Variants in DLGAP1 observed in about 807,000 individuals in gnomAD.
DLGAP1 encodes the protein DLG associated protein 1, also known as disks large-associated protein 1.
DLGAP1 carries 11 observed loss-of-function variants against 90.8 expected under a neutral mutation model. That is an observed-to-expected ratio of 0.12 (90% CI 0.08 to 0.20). The LOEUF is 0.20. DLGAP1 is among the 10% of genes least tolerant of loss of function. The pLI is 1.00. For missense variants in DLGAP1, 1,050 were observed against 1,333.8 expected (o/e 0.79, Z 3.31); for synonymous variants, 558 against 540.7 (o/e 1.03, Z -0.44).
chr18:3,890,433 G>A (rs2071430346), intron 3 of DLGAP1, among the ~76,000 whole-genome samples: 1 of 152,130 alleles, frequency 6.6e-6, no homozygotes, highest in Non-Finnish European at 1.5e-5. Flanking sequence ...TGCAATAGTT[G>A]CTGTTAATGG....
At position 3,623,797 on chromosome 18, in the gene DLGAP1, AG is replaced by A. The variant is rs1346874844; in HGVS notation, c.1592-41550del. ...GTCTCAAAAAAAAAAAAAAAAAAAA[AG>A]GAAAACCCCCCTAGAAAATGCTTTT... On this transcript the variant is annotated intron_variant, in intron 7 of 12. Coordinates refer to ENST00000315677, the MANE Select transcript of DLGAP1 (RefSeq NM_004746.4). Among the ~76,000 whole-genome samples the A allele has an allele frequency of 4.3e-3, 598 of 139,610 alleles. 4 individuals carry two copies. Among genetic ancestry groups the A allele is most frequent in the African/African-American group, 0.015 (575 of 38,948 alleles). 91.6% of individuals were successfully genotyped at this position (139,610 alleles called of 152,430 possible).
intron 1 of DLGAP1, among the ~76,000 whole-genome samples, chr18:4,285,192 AG>A (rs1318784297): frequency 6.6e-6 from 1 of 152,214 alleles, no homozygotes; most frequent in Non-Finnish European, 1.5e-5. Flanking sequence ...AGTAGAATGA[AG>A]GGAAATCTTA....
chr18:4,241,663 T>C (rs2078536820), intron 1 of DLGAP1, among the ~76,000 whole-genome samples: 1 of 152,212 alleles, frequency 6.6e-6, no homozygotes, highest in African/African-American at 2.4e-5. Context: ...CCAACAGCAC[T>C]GGCTGGAGGA....
chr18:3,522,284 G>A (rs141655722), intron 10 of DLGAP1, among the ~76,000 whole-genome samples: 2,410 of 151,452 alleles, frequency 0.016, 56 homozygotes, highest in African/African-American at 0.053. Flanking sequence ...TTACATGCGC[G>A]TGCCACCACG....
At chr18:4,278,747 T>TACACACACAC (rs74515144) in intron 1 of DLGAP1, among the ~76,000 whole-genome samples, 1 of 149,998 alleles carries the variant, frequency 6.7e-6, no homozygotes, top group Non-Finnish European at 1.5e-5. Flanking sequence ...GAAAATGTTA[T>TACACACACAC]ACACACACAC....
At chr18:3,752,633 C>T (rs924656327) in intron 5 of DLGAP1, among the ~76,000 whole-genome samples, 6 of 144,746 alleles carry the variant, frequency 4.1e-5, no homozygotes, top group Non-Finnish European at 9.1e-5. Flanking sequence ...CCCCTCCCCA[C>T]CCCCCTCTCT....
At chr18:3,634,989 G>C (rs2058645642) in intron 7 of DLGAP1, among the ~76,000 whole-genome samples, 1 of 152,232 alleles carries the variant, frequency 6.6e-6, no homozygotes, top group African/African-American at 2.4e-5. Flanking sequence ...TGTTAGAGCA[G>C]GGTTTGGAAT....
Position 3,517,236 on chromosome 18 carries a change from CAA to C in DLGAP1, c.2480-8577_2480-8576del, listed in dbSNP as rs1238701674. 4.6e-5 allele frequency among the ~76,000 whole-genome samples: 7 copies of C among 152,208 alleles called. No homozygotes were observed. Among genetic ancestry groups the C allele is most frequent in the African/African-American group, 7.2e-5 (3 of 41,440 alleles). On this transcript the variant is annotated intron_variant, in intron 10 of 12. Coordinates refer to ENST00000315677, the MANE Select transcript of DLGAP1 (RefSeq NM_004746.4). The surrounding 1 kb of genome is among the most constrained non-coding windows in gnomAD (Gnocchi z 4.1). ...AGTCACCAGGTGCCTGAGCCCCTAA[CAA>C]GAGAGTGAGCCTGTCCTTTGAAGCT...
intron 5 of DLGAP1, among the ~76,000 whole-genome samples, chr18:3,772,154 CCCTTTCTTTCTCT>C (rs1432490160): frequency 2.2e-5 from 3 of 135,896 alleles, no homozygotes; most frequent in Admixed American, 7.3e-5. Flanking sequence ...TTCCTTCCTT[CCCTTTCTTTCTCT>C]CCTTCCTTTC....
intron 2 of DLGAP1, among the ~76,000 whole-genome samples, chr18:4,038,430 C>G (rs1365849130): frequency 6.6e-6 from 1 of 152,048 alleles, no homozygotes; most frequent in African/African-American, 2.4e-5. Flanking sequence ...TAACAGAAGC[C>G]TATAGGAGAG....
intron 3 of DLGAP1, chr18:3,986,256 A>C (rs28488636): frequency 6.6e-6 from 1 of 151,974 alleles, no homozygotes; most frequent in Admixed American, 6.5e-5. Flanking sequence ...GTGTAAGCAA[A>C]TGACAAGTAT....
intron 5 of DLGAP1, among the ~76,000 whole-genome samples, chr18:3,802,015 T>C (rs1173438732): frequency 6.6e-6 from 1 of 151,216 alleles, no homozygotes; most frequent in African/African-American, 2.4e-5. Flanking sequence ...GATGGAGTCT[T>C]GCTCTGTCAC....
At chr18:3,707,239 G>A (rs1012124471) in intron 7 of DLGAP1, among the ~76,000 whole-genome samples, 4 of 152,274 alleles carry the variant, frequency 2.6e-5, no homozygotes, top group East Asian at 1.9e-4. Flanking sequence ...GGAGAAAGAC[G>A]GTGGTGTGAA....
chr18:3,827,425 C>G (rs2067781479), intron 4 of DLGAP1, among the ~76,000 whole-genome samples: 1 of 152,196 alleles, frequency 6.6e-6, no homozygotes, highest in Non-Finnish European at 1.5e-5. Context: ...AACGTACTGT[C>G]ACATTGACTT....
intron 7 of DLGAP1, among the ~76,000 whole-genome samples, chr18:3,642,218 G>C (rs1387308455): frequency 6.6e-6 from 1 of 152,192 alleles, no homozygotes; most frequent in Non-Finnish European, 1.5e-5. Context: ...AGACCAGACT[G>C]TTTTGGATTT....
chr18:4,375,653 T>C (rs1208764371), intron 1 of DLGAP1, among the ~76,000 whole-genome samples: 1 of 152,184 alleles, frequency 6.6e-6, no homozygotes, highest in East Asian at 1.9e-4. Flanking sequence ...AGTGGAACAA[T>C]GTTATTTCAC....
chr18:4,105,904 C>A (rs1348023416), intron 2 of DLGAP1, among the ~76,000 whole-genome samples: 1 of 151,750 alleles, frequency 6.6e-6, no homozygotes, highest in African/African-American at 2.4e-5. Flanking sequence ...TGGTGGCGGG[C>A]ACCTGTAGTC....
intron 5 of DLGAP1, among the ~76,000 whole-genome samples, chr18:3,767,922 T>C (rs931331442): frequency 6.6e-6 from 1 of 152,092 alleles, no homozygotes; most frequent in Non-Finnish European, 1.5e-5. Context: ...CTAGCTAGTA[T>C]GGCAAGGAAA....
intron 7 of DLGAP1, chr18:3,679,844 CT>C (rs1224435522): frequency 7.4e-6 from 1 of 134,304 alleles, no homozygotes; most frequent in African/African-American, 3.2e-5. Context: ...TTCTTTCTTT[CT>C]TTCTTTCTTT....
Sources: gnomAD v4.1 joint callset for allele counts (sites outside exome capture counted in the v4.1 genomes callset) on GRCh38, gnomAD v4.1.1 for gene constraint, Gnocchi (gnomAD v3.1) non-coding constraint, MANE v1.5 for transcripts, NCBI Gene and HGNC (gene_info 2026-07-23, HGNC 2026-07-21) for gene names.